COL9A2: variants seen among roughly 807,000 people sequenced by gnomAD.
COL9A2 encodes collagen type IX alpha 2 chain.
In COL9A2, 66 loss-of-function variants were observed where a neutral mutation model predicts 111.6. The ratio of observed to expected loss-of-function variants is 0.59; its 90% CI spans 0.48 to 0.73. The LOEUF (loss-of-function observed/expected upper bound fraction) is 0.73. Ranked by LOEUF, COL9A2 falls within the 30% of genes least tolerant of loss-of-function variation. COL9A2 has a pLI of 0.00. For synonymous variants in COL9A2, 353 were observed against 364.1 expected, an observed-to-expected ratio of 0.97 and a Z score of 0.35; for missense variants, 881 against 954.1, an observed-to-expected ratio of 0.92 and a Z score of 1.01.
Position 40,303,558 on chromosome 1 carries a change from G to A in COL9A2, c.1520C>T (p.Pro507Leu). 1 of 1,611,566 alleles carries A rather than the reference G, an allele frequency of 6.2e-7. No individual in the cohort carries two copies. The highest frequency in any genetic ancestry group is 1.1e-5 in the South Asian group (1 of 90,864). Residue 507 changes from proline (P) to leucine (L), a missense_variant, in exon 28 of 32, where the codon CCA becomes CTA. Pro to Leu is a moderately conservative substitution (Grantham distance 98, BLOSUM62 -3). Coordinates refer to ENST00000372748, the MANE Select transcript of COL9A2 (RefSeq NM_001852.4). This position sits in a 1 kb window ranked among gnomAD's most constrained non-coding sequence, Gnocchi z 4.6. Reference sequence around the variant, plus strand: ...CACGCCCTGTCTCCCGGGCTGTCCTGGCACGCCTCGGTTCCCGGCCAGTCC... The same window carrying A: ...CACGCCCTGTCTCCCGGGCTGTCCTAGCACGCCTCGGTTCCCGGCCAGTCC... ...PRGLAGNRGV[P>L]GQPGRQGVEG... is the part of the protein sequence containing the mutation.
chr1:40,306,843 TA>T (rs1380367526), intron 19 of COL9A2, among the ~76,000 whole-genome samples: 4 of 134,294 alleles, frequency 3.0e-5, no homozygotes, highest in Non-Finnish European at 4.9e-5. Context: ...ACTCAATAAC[TA>T]TTTTTTTTTT....
Position 40,312,541 on chromosome 1 carries a change from G to A in COL9A2, c.339+33C>T, listed in dbSNP as rs1301473734. 5.6e-6 allele frequency: 9 copies of A among 1,613,968 alleles called. No individual in the cohort carries two copies. In the East Asian group the frequency reaches 6.7e-5, roughly 12 times the overall value. ...CCTCTGCAGGTCCCCTCTCCCCCAA[G>A]AGTCCCTCGAAGCCCTTGCAGGTTG... On this transcript the variant is annotated intron_variant, in intron 6 of 31. Transcript: ENST00000372748. This position sits in a 1 kb window ranked among gnomAD's most constrained non-coding sequence, Gnocchi z 6.0.
At position 40,314,034 on chromosome 1, in the gene COL9A2, G is replaced by C. The variant is rs765949632; in HGVS notation, c.249+171C>G. 2.6e-5 allele frequency among the ~76,000 whole-genome samples: 4 copies of C among 152,180 alleles called. No homozygotes were observed. Among genetic ancestry groups the C allele is most frequent in the Non-Finnish European group, 2.9e-5 (2 of 68,034 alleles). ...CCTGCAAATCAATGACCCTGGGTGA[G>C]AGTGAGGTTCCAGGAAGGTCACAAG... On this transcript the variant is annotated intron_variant, in intron 4 of 31. Transcript: ENST00000372748. The surrounding 1 kb of genome is among the most constrained non-coding windows in gnomAD (Gnocchi z 4.1).
At position 40,316,551 on chromosome 1, in the gene COL9A2, GT is replaced by G. The variant is rs1644222044; in HGVS notation, c.75+571del. 2.2e-6 allele frequency: 1 copy of G among 451,064 alleles called. No individual in the cohort carries two copies. The highest frequency in any genetic ancestry group is 2.0e-5 in the African/African-American group (1 of 49,080). The allele number at this position is 451,064 out of a possible 1,614,324, so 27.9% of individuals were successfully genotyped here. On this transcript the variant is annotated intron_variant, in intron 1 of 31. Coordinates refer to ENST00000372748, the MANE Select transcript of COL9A2 (RefSeq NM_001852.4). This position sits in a 1 kb window ranked among gnomAD's most constrained non-coding sequence, Gnocchi z 5.5. ...AGCTCGGACCCAGGCAGGGGTCCCG[GT>G]GCCCACGACCTCCCCAGGCCGCGAA...
chr1:40,301,176 T>C lies in COL9A2; in HGVS notation c.*6A>G, dbSNP rs775823584. 3.1e-6 allele frequency: 5 copies of C among 1,612,816 alleles called. No individual in the cohort carries two copies. The highest frequency in any genetic ancestry group is 4.2e-6 in the Non-Finnish European group (5 of 1,179,962). ...ATGCCTGCCAGGCTCTGTCTGGGCCTGATGCTCAAGGCCCCTTGATGGATC... is the reference window on the plus strand; with the variant it reads ...ATGCCTGCCAGGCTCTGTCTGGGCCCGATGCTCAAGGCCCCTTGATGGATC... On this transcript the variant is annotated 3_prime_UTR_variant, in exon 32 of 32. Transcript: ENST00000372748.
At position 40,302,744 on chromosome 1, in the gene COL9A2, G is replaced by A; in HGVS notation, c.1669C>T (p.Pro557Ser). ...EALGAVGMMG[P>S]PGPPGPPGYP... Reference sequence around the variant, plus strand: ...CCAGGGGGCCCAGGAGGTCCTGGAGGACCCATCATGCCCACCGCACCCAGG... The same window carrying A: ...CCAGGGGGCCCAGGAGGTCCTGGAGAACCCATCATGCCCACCGCACCCAGG... Residue 557 changes from proline to serine, a missense_variant, in exon 30 of 32, where the codon CCT becomes TCT. Pro to Ser is a moderately conservative substitution (Grantham distance 74). Coordinates refer to ENST00000372748, the MANE Select transcript of COL9A2 (RefSeq NM_001852.4). The surrounding 1 kb of genome is among the most constrained non-coding windows in gnomAD (Gnocchi z 4.5). The A allele has an allele frequency of 7.2e-7, 1 of 1,396,360 alleles. No homozygotes were observed. Among genetic ancestry groups the A allele is most frequent in the African/African-American group, 1.4e-5 (1 of 69,086 alleles). The allele number at this position is 1,396,360 out of a possible 1,614,324, so 86.5% of individuals were successfully genotyped here.
At chr1:40,301,659 A>C (rs961463613) in intron 31 of COL9A2, among the ~76,000 whole-genome samples, 153 bp downstream of exon 31, 1 of 152,190 alleles carries the variant, frequency 6.6e-6, no homozygotes, top group African/African-American at 2.4e-5. Flanking sequence ...AACCACCCAG[A>C]GACTCCGGGG....
chr1:40,308,826 G>T (rs750560982), intron 16 of COL9A2, among the ~76,000 whole-genome samples: 6 of 152,054 alleles, frequency 3.9e-5, no homozygotes, highest in Non-Finnish European at 7.4e-5. Flanking sequence ...AGGAAGGAGG[G>T]GTCTGGGGGA....
At position 40,311,525 on chromosome 1, in the gene COL9A2, C is replaced by T; in HGVS notation, c.494G>A (p.Gly165Asp). Residue 165 changes from glycine to aspartate, a missense_variant, in exon 10 of 32, where the codon GGT (glycine) becomes GAT (aspartate). By Grantham distance (94) the Gly-to-Asp change is moderately conservative. Transcript: ENST00000372748. The surrounding 1 kb of genome is among the most constrained non-coding windows in gnomAD (Gnocchi z 5.1). ...GKPGRPGTIQ[G>D]LEGSADFLCP... is the part of the protein sequence containing the mutation. The stretch of plus-strand genomic sequence containing the variant: ...CAGGAAATCCGCACTGCCTTCCAGA[C>T]CCTGGATGGTTCCCGGGCGACCCTG... 6.2e-7 allele frequency: 1 copy of T among 1,613,428 alleles called. No individual in the cohort carries two copies. The highest frequency in any genetic ancestry group is 1.1e-5 in the South Asian group (1 of 91,024).
Position 40,311,230 on chromosome 1 carries a change from C to T in COL9A2, c.576G>A (p.Lys192=), listed in dbSNP as rs762681124. ...CAAGATTCAGGCCAGGAGCTCTCAC[C>T]TTCACTCCCTGCAGCCCTGGGGGAC... is the stretch of plus-strand genomic sequence containing the variant. ...MKGPPGLQGV[K]GHAGKRGILG... is the part of the protein sequence containing the mutation. The change falls in exon 11 of 32, where the codon AAG becomes AAA. Residue 192 remains lysine, a splice_region_variant and synonymous_variant. Coordinates refer to ENST00000372748, the MANE Select transcript of COL9A2 (RefSeq NM_001852.4). This position sits in a 1 kb window ranked among gnomAD's most constrained non-coding sequence, Gnocchi z 5.1. 7.4e-6 allele frequency: 12 copies of T among 1,614,196 alleles called. 1 individual carries two copies. The South Asian group carries it at 1.2e-4, about 16-fold the overall frequency.
chr1:40,310,120 A>G lies in COL9A2; in HGVS notation c.783T>C (p.Thr261=). ...YKGMVGAIGA[T]GPPGEEGPRG... Reference sequence around the variant, plus strand: ...GCAAAAAGAGGCTTACCGGTGGCCCAGTGGCACCGATAGCGCCCACCATGC... The same window carrying G: ...GCAAAAAGAGGCTTACCGGTGGCCCGGTGGCACCGATAGCGCCCACCATGC... Residue 261 remains threonine, a synonymous_variant, in exon 15 of 32, where the codon ACT becomes ACC. Transcript: ENST00000372748. The surrounding 1 kb of genome is among the most constrained non-coding windows in gnomAD (Gnocchi z 4.9). The G allele has an allele frequency of 6.2e-7, 1 of 1,613,984 alleles. No homozygotes were observed. Among genetic ancestry groups the G allele is most frequent in the Non-Finnish European group, 8.5e-7 (1 of 1,179,902 alleles).
Position 40,307,020 on chromosome 1 carries a change from T to G in COL9A2, c.1008+426A>C, listed in dbSNP as rs1182803061. The stretch of plus-strand genomic sequence containing the variant: ...CCGCCACGCCCAGCTAATTTTTGTA[T>G]TTTTAGTAGAGACGGGGTGTCACCA... On this transcript the variant is annotated intron_variant, in intron 19 of 31. Coordinates refer to ENST00000372748, the MANE Select transcript of COL9A2 (RefSeq NM_001852.4). The surrounding 1 kb of genome is among the most constrained non-coding windows in gnomAD (Gnocchi z 4.8). 6.6e-6 allele frequency among the ~76,000 whole-genome samples: 1 copy of G among 152,066 alleles called. No individual in the cohort carries two copies. The highest frequency in any genetic ancestry group is 1.5e-5 in the Non-Finnish European group (1 of 68,016).
chr1:40,310,321 T>C lies in COL9A2; in HGVS notation c.685-4A>G, dbSNP rs753563517. Reference sequence around the variant, plus strand: ...AGCCCCTGATGCCCTGGGGACCCTGTTGAGAAAGAAAAATGACAGCAATGG... The same window carrying C: ...AGCCCCTGATGCCCTGGGGACCCTGCTGAGAAAGAAAAATGACAGCAATGG... On this transcript the variant is annotated splice_polypyrimidine_tract_variant and splice_region_variant and intron_variant, in intron 13 of 31. Coordinates refer to ENST00000372748, the MANE Select transcript of COL9A2 (RefSeq NM_001852.4). The surrounding 1 kb of genome is among the most constrained non-coding windows in gnomAD (Gnocchi z 4.9). The C allele has an allele frequency of 1.2e-6, 2 of 1,613,902 alleles. No individual in the cohort carries two copies. Among genetic ancestry groups the C allele is most frequent in the Non-Finnish European group, 1.7e-6 (2 of 1,179,978 alleles).
Position 40,314,256 on chromosome 1 carries a change from G to C in COL9A2, c.198C>G (p.Gly66=). Residue 66 remains glycine (G), a synonymous_variant, in exon 4 of 32, where the codon GGC becomes GGG. Transcript: ENST00000372748. This position sits in a 1 kb window ranked among gnomAD's most constrained non-coding sequence, Gnocchi z 4.1. ...PGKAGPPGPK[G]EPGKAGPDGP... The stretch of plus-strand genomic sequence containing the variant: ...CATCTGGCCCAGCTTTGCCAGGCTC[G>C]CCCTTGGGTCCCTTGAAAACAGAGA... 6.2e-7 allele frequency: 1 copy of C among 1,614,184 alleles called. No individual in the cohort carries two copies. The highest frequency in any genetic ancestry group is 1.1e-5 in the South Asian group (1 of 91,074).
intron 19 of COL9A2, among the ~76,000 whole-genome samples, chr1:40,306,580 C>T (rs773706255): frequency 6.6e-6 from 1 of 151,890 alleles, no homozygotes; most frequent in Non-Finnish European, 1.5e-5. Context: ...TGGCCCTGAA[C>T]GATAAGAAGG....
chr1:40,307,786 G>A lies in COL9A2; in HGVS notation c.901-30C>T, dbSNP rs1483670924. On this transcript the variant is annotated intron_variant, in intron 17 of 31. Coordinates refer to ENST00000372748, the MANE Select transcript of COL9A2 (RefSeq NM_001852.4). The surrounding 1 kb of genome is among the most constrained non-coding windows in gnomAD (Gnocchi z 4.8). ...CCAGGAGGAAAGTTCAAGGGAGAGT[G>A]ATAATGCGGAGATGTCTGGGGTCTG... 1 of 1,612,408 alleles carries A rather than the reference G, an allele frequency of 6.2e-7. No individual in the cohort carries two copies. Among genetic ancestry groups the A allele is most frequent in the Non-Finnish European group, 8.5e-7 (1 of 1,178,588 alleles).
intron 4 of COL9A2, among the ~76,000 whole-genome samples, chr1:40,313,609 C>T (rs1421369992): frequency 1.3e-5 from 2 of 152,124 alleles, no homozygotes; most frequent in Non-Finnish European, 2.9e-5. Context: ...GGTGACTGTC[C>T]CAGCCCTGGT....
Position 40,311,970 on chromosome 1 carries a change from A to T in COL9A2, c.417+89T>A. The T allele has an allele frequency of 7.3e-7, 1 of 1,370,042 alleles. No homozygotes were observed. The highest frequency in any genetic ancestry group is 1.0e-6 in the Non-Finnish European group (1 of 979,016). The allele number at this position is 1,370,042 out of a possible 1,614,324, so 84.9% of individuals were successfully genotyped here. On this transcript the variant is annotated intron_variant, in intron 8 of 31. Coordinates refer to ENST00000372748, the MANE Select transcript of COL9A2 (RefSeq NM_001852.4). This position sits in a 1 kb window ranked among gnomAD's most constrained non-coding sequence, Gnocchi z 5.1. ...GAGGAGTTTCCCAGTGGCCAGGAGCAGGCCCAGGAACTTCCAGAAAGACCA... is the reference window on the plus strand; with the variant it reads ...GAGGAGTTTCCCAGTGGCCAGGAGCTGGCCCAGGAACTTCCAGAAAGACCA...
At position 40,301,274 on chromosome 1, in the gene COL9A2, G is replaced by A; in HGVS notation, c.1978C>T (p.Leu660=). The stretch of plus-strand genomic sequence containing the variant: ...GCGGCAGGTTCACAGAAGCCCGGCA[G>A]CCCCACGGGGCCTGGCAGGCCAGGT... ...GRPGLPGPVG[L]PGFCEPAACL... Residue 660 remains leucine (L), a synonymous_variant, in exon 32 of 32, where the codon CTG becomes TTG. Transcript: ENST00000372748. 1 of 1,613,898 alleles carries A rather than the reference G, an allele frequency of 6.2e-7. No homozygotes were observed. Among genetic ancestry groups the A allele is most frequent in the East Asian group, 2.2e-5 (1 of 44,866 alleles).
Sources: allele counts gnomAD v4.1 joint callset (sites outside exome capture counted in the v4.1 genomes callset), GRCh38; gene constraint gnomAD v4.1.1; non-coding constraint Gnocchi (gnomAD v3.1); transcripts MANE v1.5; gene names NCBI Gene and HGNC (gene_info 2026-07-23, HGNC 2026-07-21).